SPECC1: variants seen among roughly 807,000 people sequenced by gnomAD.
SPECC1 encodes the protein cytospin-B.
SPECC1 carries 62 observed loss-of-function variants against 104.1 expected under a neutral mutation model. That is an observed-to-expected ratio of 0.60 (90% CI 0.49 to 0.74). SPECC1 has a LOEUF of 0.74. SPECC1 is among the 30% of genes least tolerant of loss of function. The pLI, the probability that SPECC1 is intolerant of heterozygous loss-of-function variation, is 0.00. For synonymous variants in SPECC1, 513 were observed against 501.6 expected (o/e 1.02, Z -0.30); for missense variants, 1,306 against 1,310.5 (o/e 1.00, Z 0.05).
chr17:20,117,703 CAA>C (rs1157847856), intron 3 of SPECC1, among the ~76,000 whole-genome samples: 3 of 59,590 alleles, frequency 5.0e-5, no homozygotes, highest in Non-Finnish European at 1.0e-4. Flanking sequence ...ATGATTGTCT[CAA>C]AAAAAAAAAA....
chr17:20,311,100 G>GTT (rs1567626515), intron 14 of SPECC1, among the ~76,000 whole-genome samples: 12 of 130,962 alleles, frequency 9.2e-5, no homozygotes, highest in African/African-American at 2.8e-4. Flanking sequence ...ACCTTAGTGG[G>GTT]GTTTTTTTTT....
chr17:20,144,175 C>CTTTTTTTTTTT (rs1168474738), intron 3 of SPECC1, among the ~76,000 whole-genome samples: 1 of 94,408 alleles, frequency 1.1e-5, no homozygotes, highest in African/African-American at 4.8e-5. Context: ...TTTTTCTTTT[C>CTTTTTTTTTTT]TTTTTTTTTT....
intron 13 of SPECC1, among the ~76,000 whole-genome samples, chr17:20,298,444 A>T (rs183597541): frequency 5.5e-4 from 83 of 152,232 alleles, no homozygotes; most frequent in African/African-American, 2.0e-3. Flanking sequence ...CAGGCCGTGG[A>T]AGAAGGCTGG....
chr17:20,102,228 G>A (rs1400602211), intron 2 of SPECC1, among the ~76,000 whole-genome samples: 1 of 152,220 alleles, frequency 6.6e-6, no homozygotes, highest in Non-Finnish European at 1.5e-5. Flanking sequence ...AAAAAGCAGT[G>A]ACAAAGTAAG....
intron 1 of SPECC1, 53 bp from the exon 2 acceptor site, chr17:20,096,578 A>G: frequency 6.5e-7 from 1 of 1,547,844 alleles, no homozygotes; most frequent in Non-Finnish European, 8.8e-7. Flanking sequence ...TGATGATGTC[A>G]TGCAGCAGGT....
chr17:20,252,503 C>T (rs2039669851), intron 9 of SPECC1, among the ~76,000 whole-genome samples: 1 of 152,112 alleles, frequency 6.6e-6, no homozygotes, highest in South Asian at 2.1e-4. Context: ...AACTCTGTAT[C>T]CACGGAACAA....
intron 1 of SPECC1, among the ~76,000 whole-genome samples, chr17:20,057,397 C>T (rs2046007987): frequency 6.6e-6 from 1 of 152,104 alleles, no homozygotes; most frequent in Non-Finnish European, 1.5e-5. Flanking sequence ...GCCAAGATCA[C>T]GCCACTGCAC....
intron 3 of SPECC1, among the ~76,000 whole-genome samples, chr17:20,158,965 T>G (rs74498743): frequency 8.2e-6 from 1 of 121,828 alleles, no homozygotes; most frequent in Non-Finnish European, 1.9e-5. Flanking sequence ...TTTGTTTTTG[T>G]TTTTTTTTTT....
intron 3 of SPECC1, among the ~76,000 whole-genome samples, chr17:20,115,473 A>G (rs952647306): frequency 6.6e-6 from 1 of 151,306 alleles, no homozygotes; most frequent in Non-Finnish European, 1.5e-5. Context: ...ACTGTCTCAA[A>G]TAAATAAATA....
intron 4 of SPECC1, among the ~76,000 whole-genome samples, chr17:20,223,672 C>CA (rs761885154): frequency 0.021 from 2,749 of 131,276 alleles, 64 homozygotes; most frequent in African/African-American, 0.066. Flanking sequence ...GACTTTGTCT[C>CA]AAAAAAAAAA....
chr17:20,024,838 T>C (rs903419620), intron 1 of SPECC1, among the ~76,000 whole-genome samples: 1 of 152,176 alleles, frequency 6.6e-6, no homozygotes, highest in African/African-American at 2.4e-5. Flanking sequence ...GTTGCTAATC[T>C]CTGGGTTGGC....
Position 20,190,256 on chromosome 17 carries a change from C to T in SPECC1, c.284-14077C>T, listed in dbSNP as rs114931369. On this transcript the variant is annotated intron_variant, in intron 3 of 14. Coordinates refer to ENST00000395527, the MANE Select transcript of SPECC1 (RefSeq NM_001243439.2). ...GGATCAGTGCTGCCTATAAAGCTGA[C>T]GGATTGCTAATTGCCTGTTTCCACA... Among the ~76,000 whole-genome samples, 1,160 of 152,198 alleles carry T rather than the reference C, an allele frequency of 7.6e-3. 17 individuals are homozygous for T. The highest frequency in any genetic ancestry group is 0.027 in the African/African-American group (1,103 of 41,526).
At chr17:20,095,112 G>A (rs2047582764) in intron 1 of SPECC1, among the ~76,000 whole-genome samples, 1 of 152,192 alleles carries the variant, frequency 6.6e-6, no homozygotes, top group Admixed American at 6.5e-5. Context: ...CATGAAATTA[G>A]TTACTGTATA....
intron 3 of SPECC1, among the ~76,000 whole-genome samples, chr17:20,179,831 G>T (rs1301522143): frequency 6.6e-6 from 1 of 152,140 alleles, no homozygotes; most frequent in African/African-American, 2.4e-5. Flanking sequence ...ATACATAAAT[G>T]GAAGATATTA....
chr17:20,273,536 T>A (rs767338004), intron 12 of SPECC1, among the ~76,000 whole-genome samples: 5 of 152,010 alleles, frequency 3.3e-5, no homozygotes, highest in Non-Finnish European at 5.9e-5. Context: ...ATTCACTTAA[T>A]TCCCTTGTTT....
At chr17:20,259,316 T>C (rs1354687553) in intron 11 of SPECC1, among the ~76,000 whole-genome samples, 1 of 152,158 alleles carries the variant, frequency 6.6e-6, no homozygotes, top group Non-Finnish European at 1.5e-5. Flanking sequence ...GAAGTTGCCG[T>C]TTTCTTTATG....
Position 20,168,935 on chromosome 17 carries a change from C to T in SPECC1, c.284-35398C>T, listed in dbSNP as rs549503914. ...TCATCCAGGCTGGAGTACAGTGGTG[C>T]TATCTGGGCTCACTGCAACCTGTGC... On this transcript the variant is annotated intron_variant, in intron 3 of 14. Coordinates refer to ENST00000395527, the MANE Select transcript of SPECC1 (RefSeq NM_001243439.2). Among the ~76,000 whole-genome samples, 4 of 152,244 alleles carry T rather than the reference C, an allele frequency of 2.6e-5. No homozygotes were observed. In the South Asian group the frequency reaches 6.2e-4, roughly 24 times the overall value.
At chr17:20,023,522 C>T (rs1056766576) in intron 1 of SPECC1, among the ~76,000 whole-genome samples, 2 of 151,874 alleles carry the variant, frequency 1.3e-5, no homozygotes, top group Non-Finnish European at 2.9e-5. Flanking sequence ...CACAATTGGG[C>T]AGCAGGGGTT....
At chr17:20,150,554 G>C (rs776170478) in intron 3 of SPECC1, among the ~76,000 whole-genome samples, 31 of 151,462 alleles carry the variant, frequency 2.0e-4, no homozygotes, top group Non-Finnish European at 3.4e-4. Flanking sequence ...CAGGAGAATC[G>C]CTTGAACTCG....
Sources: gnomAD v4.1 joint callset for allele counts (sites outside exome capture counted in the v4.1 genomes callset) on GRCh38, gnomAD v4.1.1 for gene constraint, MANE v1.5 for transcripts, NCBI Gene and HGNC (gene_info 2026-07-23, HGNC 2026-07-21) for gene names.